EPHA6: variants seen among roughly 807,000 people sequenced by gnomAD.
EPHA6 encodes the protein ephrin type-A receptor 6.
EPHA6 carries 50 observed loss-of-function variants against 112.0 expected under a neutral mutation model. The ratio of observed to expected loss-of-function variants is 0.45; its 90% CI spans 0.36 to 0.56. The LOEUF (loss-of-function observed/expected upper bound fraction) is 0.56, where lower values mean the gene tolerates loss of function less well. EPHA6 is among the 20% of genes least tolerant of loss of function. The pLI, the probability that EPHA6 is intolerant of heterozygous loss-of-function variation, is 0.00. For synonymous variants in EPHA6, 529 were observed against 490.7 expected (o/e 1.08, Z -1.03); for missense variants, 1,280 against 1,417.4 (o/e 0.90, Z 1.56).
At chr3:97,719,098 CCA>C (rs1559625517) in intron 14 of EPHA6, among the ~76,000 whole-genome samples, 20 of 116,044 alleles carry the variant, frequency 1.7e-4, no homozygotes, top group Non-Finnish European at 2.2e-4. Flanking sequence ...ACCCCCCCCC[CCA>C]CCCCCCCCGC....
At chr3:96,986,143 A>G (rs75370676) in intron 2 of EPHA6, among the ~76,000 whole-genome samples, 4,869 of 152,292 alleles carry the variant, frequency 0.032, 99 homozygotes, top group Non-Finnish European at 0.052. Context: ...TGGAGTTATA[A>G]TCTAAATTTA....
rs1317125860 is a variant in EPHA6 at position 97,753,085 on chromosome 3, T to C, written c.*4384T>C. Among the ~76,000 whole-genome samples, 1 of 152,174 alleles carries C rather than the reference T, an allele frequency of 6.6e-6. No individual in the cohort carries two copies. Among genetic ancestry groups the C allele is most frequent in the East Asian group, 1.9e-4 (1 of 5,202 alleles). On this transcript the variant is annotated 3_prime_UTR_variant, in exon 18 of 18. Transcript: ENST00000389672. ...TAAGATACTTAAGTCACCTAACTTT[T>C]GGTTTTTATAAGCAACATTTTCAAC...
chr3:97,470,125 A>G (rs2091183195), intron 7 of EPHA6, among the ~76,000 whole-genome samples: 1 of 151,744 alleles, frequency 6.6e-6, no homozygotes, highest in South Asian at 2.1e-4. Context: ...TGGTGTTGAA[A>G]ATGTGAAGAT....
chr3:96,945,620 T>C (rs2041215427), intron 2 of EPHA6, among the ~76,000 whole-genome samples: 1 of 152,232 alleles, frequency 6.6e-6, no homozygotes, highest in African/African-American at 2.4e-5. Context: ...CTAGGTTTTT[T>C]GGAGGGTTAA....
intron 14 of EPHA6, among the ~76,000 whole-genome samples, chr3:97,649,829 A>G (rs776601018): frequency 6.6e-6 from 1 of 151,916 alleles, no homozygotes; most frequent in South Asian, 2.1e-4. Flanking sequence ...CTAGTAGTCA[A>G]TCAAAACCAG....
chr3:97,681,287 T>C (rs1036371801), intron 14 of EPHA6, among the ~76,000 whole-genome samples: 3 of 152,108 alleles, frequency 2.0e-5, no homozygotes, highest in African/African-American at 7.2e-5. Flanking sequence ...AGAATATAAA[T>C]TGATAAACCT....
chr3:96,943,336 A>C (rs763220576), intron 2 of EPHA6, among the ~76,000 whole-genome samples: 66 of 152,180 alleles, frequency 4.3e-4, no homozygotes, highest in Admixed American at 1.1e-3. Context: ...TATGCTAAAT[A>C]CTCTGATTTG....
chr3:97,738,534 A>T (rs899826943), intron 16 of EPHA6, among the ~76,000 whole-genome samples: 1 of 152,094 alleles, frequency 6.6e-6, no homozygotes, highest in African/African-American at 2.4e-5. Flanking sequence ...GAAAATATTG[A>T]TGAAGAATGT....
At position 97,314,389 on chromosome 3, in the gene EPHA6, C is replaced by CT. The variant is rs372803143; in HGVS notation, c.1606+70103dup. Among the ~76,000 whole-genome samples, 372 of 151,540 alleles carry CT rather than the reference C, an allele frequency of 2.5e-3. 1 individual carries two copies. Among genetic ancestry groups the CT allele is most frequent in the African/African-American group, 8.1e-3 (336 of 41,464 alleles). ...ATGAGTTTTAAGATGCTACTTTTGT[C>CT]TAACTAGGAGTATTGTATGAAAGTT... On this transcript the variant is annotated intron_variant, in intron 5 of 17. Coordinates refer to ENST00000389672, the MANE Select transcript of EPHA6 (RefSeq NM_001080448.3).
chr3:96,940,222 T>C (rs1250734786), intron 2 of EPHA6, among the ~76,000 whole-genome samples: 2 of 152,186 alleles, frequency 1.3e-5, no homozygotes, highest in Non-Finnish European at 2.9e-5. Context: ...TCCATTATTA[T>C]TGTGTGGGAG....
At chr3:97,487,652 GT>G (rs1207154763) in intron 10 of EPHA6, among the ~76,000 whole-genome samples, 2 of 152,082 alleles carry the variant, frequency 1.3e-5, no homozygotes, top group East Asian at 1.9e-4. Flanking sequence ...AATTTCACTG[GT>G]TTTTTATAAG....
chr3:97,431,396 T>C (rs1250164181), intron 6 of EPHA6, among the ~76,000 whole-genome samples: 1 of 152,108 alleles, frequency 6.6e-6, no homozygotes, highest in Non-Finnish European at 1.5e-5. Flanking sequence ...TTTTTAAAGT[T>C]TGTCATGGTT....
intron 3 of EPHA6, among the ~76,000 whole-genome samples, chr3:97,137,706 T>C (rs978382406): frequency 6.6e-6 from 1 of 152,202 alleles, no homozygotes; most frequent in African/African-American, 2.4e-5. Flanking sequence ...CAAATGTGAA[T>C]AGAGTAGGTC....
intron 11 of EPHA6, among the ~76,000 whole-genome samples, chr3:97,583,747 A>G (rs982255167): frequency 3.9e-5 from 6 of 152,334 alleles, no homozygotes; most frequent in Non-Finnish European, 8.8e-5. Context: ...ATGTCAATCA[A>G]AATCCCAGCA....
chr3:97,616,731 GA>G (rs898191639), intron 13 of EPHA6, among the ~76,000 whole-genome samples: 2 of 151,394 alleles, frequency 1.3e-5, no homozygotes, highest in East Asian at 1.9e-4. Flanking sequence ...CAAGAATAGA[GA>G]AAAAAAATGA....
At chr3:97,679,153 C>T (rs2031651676) in intron 14 of EPHA6, among the ~76,000 whole-genome samples, 1 of 152,046 alleles carries the variant, frequency 6.6e-6, no homozygotes, top group Non-Finnish European at 1.5e-5. Flanking sequence ...CTTCCAATTG[C>T]TCTTTAGATG....
In EPHA6 at chr3:96,919,082, T is replaced by C. The variant is rs868261108; in HGVS notation, c.450+52193T>C. Among the ~76,000 whole-genome samples the C allele has an allele frequency of 5.9e-5, 9 of 152,102 alleles. 1 individual carries two copies. The highest frequency in any genetic ancestry group is 6.8e-3 in the Middle Eastern group (2 of 294). On this transcript the variant is annotated intron_variant, in intron 2 of 17. Coordinates refer to ENST00000389672, the MANE Select transcript of EPHA6 (RefSeq NM_001080448.3). The stretch of plus-strand genomic sequence containing the variant: ...TTAACATAAAATCAAATGTTACTCC[T>C]TATTGACTCTACTGTATTATTCATA...
intron 14 of EPHA6, among the ~76,000 whole-genome samples, chr3:97,714,966 GAAAA>G (rs1158152478): frequency 6.6e-6 from 1 of 152,286 alleles, no homozygotes; most frequent in East Asian, 1.9e-4. Flanking sequence ...TAAAAAGAAA[GAAAA>G]AGTCAAACCT....
At chr3:96,972,389 G>A (rs2042346849) in intron 2 of EPHA6, among the ~76,000 whole-genome samples, 1 of 149,470 alleles carries the variant, frequency 6.7e-6, no homozygotes, top group African/African-American at 2.5e-5. Flanking sequence ...ACAGAAAAGG[G>A]AAGAGAGGAA....
Sources: allele counts gnomAD v4.1 joint callset (sites outside exome capture counted in the v4.1 genomes callset), GRCh38; gene constraint gnomAD v4.1.1; transcripts MANE v1.5; gene names NCBI Gene and HGNC (gene_info 2026-07-23, HGNC 2026-07-21).